ANO10: variants seen among roughly 807,000 people sequenced by gnomAD.
The protein encoded by ANO10 is anoctamin-10.
In ANO10, 77 loss-of-function variants were observed where a neutral mutation model predicts 74.7. The observed-to-expected ratio is 1.03, with a 90% CI of 0.86 to 1.25. The LOEUF is 1.25. Among genes scored for constraint, ANO10 ranks in the 50% most tolerant of loss-of-function variants. The pLI is 0.00. For synonymous variants in ANO10, 279 were observed against 284.9 expected (o/e 0.98, Z 0.21); for missense variants, 721 against 778.1 (o/e 0.93, Z 0.87).
chr3:43,463,164 C>T (rs1054311749), intron 11 of ANO10, among the ~76,000 whole-genome samples: 1 of 152,130 alleles, frequency 6.6e-6, no homozygotes, highest in African/African-American at 2.4e-5. Flanking sequence ...GGGCCACTGT[C>T]CCCCAGACCT....
chr3:43,606,780 A>G (rs1189708636), intron 1 of ANO10, among the ~76,000 whole-genome samples: 1 of 152,118 alleles, frequency 6.6e-6, no homozygotes, highest in African/African-American at 2.4e-5. Context: ...AAAACTACAC[A>G]TCCTCAAAGT....
chr3:43,549,195 A>G (rs560427344), intron 11 of ANO10, among the ~76,000 whole-genome samples: 1 of 151,940 alleles, frequency 6.6e-6, no homozygotes, highest in African/African-American at 2.4e-5. Flanking sequence ...CTTGAACTCT[A>G]GGGCTCAGTC....
chr3:43,645,635 A>G (rs1407766087), intron 1 of ANO10, among the ~76,000 whole-genome samples: 2 of 152,220 alleles, frequency 1.3e-5, no homozygotes, highest in African/African-American at 4.8e-5. Flanking sequence ...GAAGTCGGAC[A>G]TGTGCATGTG....
intron 1 of ANO10, among the ~76,000 whole-genome samples, chr3:43,650,195 T>G (rs2083772196): frequency 1.3e-5 from 2 of 152,018 alleles, no homozygotes; most frequent in Admixed American, 1.3e-4. Context: ...CTCCATGGGA[T>G]GGATGGGGAG....
chr3:43,427,121 C>A (rs2092910434), intron 12 of ANO10, among the ~76,000 whole-genome samples: 1 of 152,018 alleles, frequency 6.6e-6, no homozygotes, highest in African/African-American at 2.4e-5. Flanking sequence ...ACTGGGGAAT[C>A]CAGTCTTTCA....
At chr3:43,379,798 C>T (rs2091909159) in intron 12 of ANO10, among the ~76,000 whole-genome samples, 1 of 152,142 alleles carries the variant, frequency 6.6e-6, no homozygotes. Context: ...CCCAAAAGAT[C>T]ACACTAGCTC....
At chr3:43,373,312 G>A (rs1207445813) in intron 12 of ANO10, among the ~76,000 whole-genome samples, 3 of 152,150 alleles carry the variant, frequency 2.0e-5, no homozygotes, top group Non-Finnish European at 4.4e-5. Context: ...TTACAGCTGT[G>A]TGGGAGGAGC....
chr3:43,472,371 A>G (rs1017993929), intron 11 of ANO10: 4 of 152,242 alleles, frequency 2.6e-5, no homozygotes, highest in Non-Finnish European at 4.4e-5. Flanking sequence ...CCTGTATGTA[A>G]ATTTTTTAAA....
At chr3:43,567,976 A>G (rs1302290449) in intron 7 of ANO10, among the ~76,000 whole-genome samples, 3 of 152,034 alleles carry the variant, frequency 2.0e-5, no homozygotes, top group Non-Finnish European at 4.4e-5. Context: ...TCAAAATAAA[A>G]GGATGGAGGA....
At chr3:43,370,480 G>T (rs1420550968) in intron 12 of ANO10, among the ~76,000 whole-genome samples, 1 of 151,262 alleles carries the variant, frequency 6.6e-6, no homozygotes, top group African/African-American at 2.4e-5. Context: ...GGGCTGGGAC[G>T]GTGCCTAGGC....
chr3:43,551,702 G>A, intron 10 of ANO10: 1 of 337,720 alleles, frequency 3.0e-6, no homozygotes, highest in Non-Finnish European at 5.9e-6. Flanking sequence ...GGTCCTCTCT[G>A]GCAATTTTTG....
At chr3:43,523,709 G>A (rs2078059908) in intron 11 of ANO10, among the ~76,000 whole-genome samples, 1 of 152,128 alleles carries the variant, frequency 6.6e-6, no homozygotes, top group Admixed American at 6.5e-5. Context: ...GAGATCACTG[G>A]GAGACATTCA....
chr3:43,419,257 T>G (rs2092785921), intron 12 of ANO10, among the ~76,000 whole-genome samples: 1 of 152,236 alleles, frequency 6.6e-6, no homozygotes. Context: ...TTCTACAGTA[T>G]TCTACTGATC....
At chr3:43,454,235 A>C (rs2075023743) in intron 11 of ANO10, among the ~76,000 whole-genome samples, 1 of 152,216 alleles carries the variant, frequency 6.6e-6, no homozygotes, top group Non-Finnish European at 1.5e-5. Context: ...AATGGATTGC[A>C]AGAACGTTGA....
intron 1 of ANO10, among the ~76,000 whole-genome samples, chr3:43,611,630 T>A (rs2082823139): frequency 6.6e-6 from 1 of 152,212 alleles, no homozygotes; most frequent in Non-Finnish European, 1.5e-5. Flanking sequence ...CCACAGTGAA[T>A]GGTGTGAAAG....
rs1027584128 is a variant in ANO10, at chr3:43,555,406, C to T, written c.1540G>A (p.Val514Ile). 1 of 1,614,126 alleles carries T rather than the reference C, an allele frequency of 6.2e-7. No individual in the cohort carries two copies. The part of the protein sequence containing the change: ...QFGYVSLFSC[V>I]YPLAAAFAVL... ...GCAAAGGCAGCTGCTAATGGGTAAA[C>T]ACAGGAGAAAAGGCTCACATAACCA... is the stretch of plus-strand genomic sequence containing the variant. The change falls in exon 10 of 13, where the codon GTT becomes ATT. Residue 514 changes from valine to isoleucine, a missense_variant. Coordinates refer to ENST00000292246, the MANE Select transcript of ANO10 (RefSeq NM_018075.5).
chr3:43,534,968 A>T (rs1442087609), intron 11 of ANO10, among the ~76,000 whole-genome samples: 2 of 151,258 alleles, frequency 1.3e-5, no homozygotes, highest in Non-Finnish European at 2.9e-5. Flanking sequence ...TCCTATATGT[A>T]GATTTTTTTC....
At chr3:43,675,732 A>C (rs2084113557) in intron 1 of ANO10, among the ~76,000 whole-genome samples, 1 of 152,116 alleles carries the variant, frequency 6.6e-6, no homozygotes. Flanking sequence ...TAAAATAAAA[A>C]AGCCATCAGA....
Position 43,576,692 on chromosome 3 carries a change from C to T in ANO10, c.1162G>A (p.Glu388Lys). 1 of 1,613,900 alleles carries T rather than the reference C, an allele frequency of 6.2e-7. No individual in the cohort carries two copies. The highest frequency in any genetic ancestry group is 8.5e-7 in the Non-Finnish European group (1 of 1,179,910). The change falls in exon 6 of 13, where the codon GAG (glutamate) becomes AAG (lysine). Residue 388 changes from glutamate to lysine, a missense_variant and splice_region_variant. Coordinates refer to ENST00000292246, the MANE Select transcript of ANO10 (RefSeq NM_018075.5). ...RYAAEFLTSWENHRLESAYQN... is the reference protein window; with the variant it reads ...RYAAEFLTSWKNHRLESAYQN... ...GTGAATATAAAGCCTCAAGTCTTAC[C>T]CCATGAAGTTAAAAACTCGGCAGCA...
Sources: allele counts gnomAD v4.1 joint callset (sites outside exome capture counted in the v4.1 genomes callset), GRCh38; gene constraint gnomAD v4.1.1; transcripts MANE v1.5; gene names NCBI Gene and HGNC (gene_info 2026-07-23, HGNC 2026-07-21).